The following NTF3 variants were observed in gnomAD, a reference collection of about 807,000 sequenced individuals.
NTF3 encodes the protein neurotrophin 3.
In NTF3, 8 loss-of-function variants were observed where a neutral mutation model predicts 26.3. The ratio of observed to expected loss-of-function variants is 0.30; its 90% CI spans 0.18 to 0.55. NTF3 has a LOEUF of 0.55. Ranked by LOEUF, NTF3 falls within the 20% of genes least tolerant of loss-of-function variation. NTF3 has a pLI of 0.93. For synonymous variants in NTF3, 154 were observed against 145.5 expected (o/e 1.06, Z -0.42); for missense variants, 276 against 352.9 (o/e 0.78, Z 1.75).
At chr12:5,448,127 A>C (rs1465005412) in intron 1 of NTF3, among the ~76,000 whole-genome samples, 1 of 152,224 alleles carries the variant, frequency 6.6e-6, no homozygotes, top group Non-Finnish European at 1.5e-5. Flanking sequence ...CTCCTCTTAC[A>C]TGAGAATGGA....
At chr12:5,490,567 G>C (rs1454517039) in intron 1 of NTF3, among the ~76,000 whole-genome samples, 1 of 152,206 alleles carries the variant, frequency 6.6e-6, no homozygotes, top group Admixed American at 6.5e-5. Flanking sequence ...CCAGGGAACT[G>C]GCCCACTGGG....
chr12:5,448,350 TC>T, intron 1 of NTF3, among the ~76,000 whole-genome samples: 1 of 152,306 alleles, frequency 6.6e-6, no homozygotes, highest in Admixed American at 6.5e-5. Flanking sequence ...AATTTGCTGT[TC>T]CTTTTCATGG....
chr12:5,491,902 G>A (rs1940943101), intron 1 of NTF3, among the ~76,000 whole-genome samples: 1 of 151,186 alleles, frequency 6.6e-6, no homozygotes, highest in Non-Finnish European at 1.5e-5. Context: ...TTTTTTTTTA[G>A]ACGGGGTTTC....
intron 1 of NTF3, among the ~76,000 whole-genome samples, chr12:5,447,731 T>C (rs1940323553): frequency 6.6e-6 from 1 of 152,226 alleles, no homozygotes; most frequent in Non-Finnish European, 1.5e-5. Flanking sequence ...ATTGCTCTGT[T>C]GGGAAGACGG....
At position 5,477,368 on chromosome 12, in the gene NTF3, G is replaced by A. The variant is rs539672278; in HGVS notation, c.19-16826G>A. On this transcript the variant is annotated intron_variant, in intron 1 of 1. Transcript: ENST00000423158. ...ACCCAAAAAGCCCTGAAAACCCAGA[G>A]TCGTTTCTTAAAGTGACAGCAAATT... 4.6e-5 allele frequency among the ~76,000 whole-genome samples: 7 copies of A among 152,330 alleles called. 1 individual carries two copies. Among genetic ancestry groups the A allele is most frequent in the African/African-American group, 1.7e-4 (7 of 41,574 alleles).
At chr12:5,440,863 T>TGCTG (rs1389822482) in intron 1 of NTF3, among the ~76,000 whole-genome samples, 1 of 152,202 alleles carries the variant, frequency 6.6e-6, no homozygotes, top group African/African-American at 2.4e-5. Flanking sequence ...CAGGTAACCC[T>TGCTG]GCTGGCCTAG....
At chr12:5,467,056 C>T (rs1038927160) in intron 1 of NTF3, among the ~76,000 whole-genome samples, 8 of 151,792 alleles carry the variant, frequency 5.3e-5, no homozygotes, top group African/African-American at 1.9e-4. Flanking sequence ...ATGGTGAAAC[C>T]CCGTCTCTAC....
intron 1 of NTF3, among the ~76,000 whole-genome samples, chr12:5,483,394 G>T (rs902961379): frequency 6.6e-6 from 1 of 152,152 alleles, no homozygotes; most frequent in African/African-American, 2.4e-5. Flanking sequence ...TTCCAGCCCC[G>T]AGTAGTTGGT....
intron 1 of NTF3, among the ~76,000 whole-genome samples, chr12:5,485,855 G>C (rs1331602308): frequency 6.6e-6 from 1 of 152,160 alleles, no homozygotes; most frequent in Admixed American, 6.5e-5. Context: ...GGTGAGAAGA[G>C]ACTCAGAAAA....
chr12:5,494,910 T>C lies in NTF3; in HGVS notation c.735T>C (p.Asn245=), dbSNP rs1940989834. The change falls in exon 2 of 2, where the codon AAT becomes AAC. Residue 245 remains asparagine (N), a synonymous_variant. Transcript: ENST00000423158. The surrounding 1 kb of genome is among the most constrained non-coding windows in gnomAD (Gnocchi z 8.3). ...TCCGAGCACTGACTTCAGAGAACAATAAACTCGTGGGCTGGCGGTGGATAC... is the reference window on the plus strand; with the variant it reads ...TCCGAGCACTGACTTCAGAGAACAACAAACTCGTGGGCTGGCGGTGGATAC... ...TYVRALTSEN[N]KLVGWRWIRI... The C allele has an allele frequency of 6.2e-7, 1 of 1,613,908 alleles. No homozygotes were observed. The highest frequency in any genetic ancestry group is 1.1e-5 in the South Asian group (1 of 91,076).
intron 1 of NTF3, among the ~76,000 whole-genome samples, chr12:5,473,728 C>A (rs535483336): frequency 6.6e-6 from 1 of 152,354 alleles, no homozygotes; most frequent in South Asian, 2.1e-4. Flanking sequence ...TACTGAGCTG[C>A]CTTCCTTCTT....
intron 1 of NTF3, among the ~76,000 whole-genome samples, chr12:5,465,175 T>A (rs1288304470): frequency 2.0e-5 from 3 of 152,132 alleles, no homozygotes; most frequent in Non-Finnish European, 4.4e-5. Context: ...AGAAGCATCC[T>A]CCTCCCCAGA....
At chr12:5,477,960 G>A (rs917449069) in intron 1 of NTF3, among the ~76,000 whole-genome samples, 26 of 152,286 alleles carry the variant, frequency 1.7e-4, no homozygotes, top group African/African-American at 5.8e-4. Context: ...TAATGGAGAA[G>A]TAACCCTTAC....
intron 1 of NTF3, among the ~76,000 whole-genome samples, chr12:5,489,439 G>A (rs1264372513): frequency 6.8e-6 from 1 of 146,380 alleles, no homozygotes; most frequent in Non-Finnish European, 1.5e-5. Flanking sequence ...GAGCCAGAAG[G>A]TGCAAATCCT....
At chr12:5,458,862 CAT>C (rs1375315541) in intron 1 of NTF3, among the ~76,000 whole-genome samples, 3 of 152,074 alleles carry the variant, frequency 2.0e-5, no homozygotes, top group Non-Finnish European at 2.9e-5. Flanking sequence ...AGCAAGCACA[CAT>C]ACACACACAC....
At chr12:5,493,446 A>T (rs535706165) in intron 1 of NTF3, among the ~76,000 whole-genome samples, 1 of 152,364 alleles carries the variant, frequency 6.6e-6, no homozygotes, top group Admixed American at 6.5e-5. Context: ...GTTATTCTGC[A>T]TCTCTGTCTT....
At position 5,495,064 on chromosome 12, in the gene NTF3, G is replaced by A. The variant is rs1940992213; in HGVS notation, c.*76G>A. The A allele has an allele frequency of 2.9e-6, 4 of 1,391,158 alleles. No homozygotes were observed. Among genetic ancestry groups the A allele is most frequent in the Admixed American group, 2.1e-5 (1 of 47,346 alleles). The allele number at this position is 1,391,158 out of a possible 1,614,324, so 86.2% of individuals were successfully genotyped here. On this transcript the variant is annotated 3_prime_UTR_variant, in exon 2 of 2. Transcript: ENST00000423158. ...CATGTAGCATATAAATGTTTATATT[G>A]TTTTTATATATTATAAGTTGACCTT...
Position 5,494,398 on chromosome 12 carries a change from A to G in NTF3, c.223A>G (p.Thr75Ala). Residue 75 changes from threonine to alanine, a missense_variant, in exon 2 of 2, where the codon ACC becomes GCC. Around this residue, in one of 3 missense-constraint regions of NTF3, gnomAD observed 221 missense variants for 258.2 expected, o/e 0.86. Coordinates refer to ENST00000423158, the MANE Select transcript of NTF3 (RefSeq NM_001102654.2). This position sits in a 1 kb window ranked among gnomAD's most constrained non-coding sequence, Gnocchi z 8.3. ...GGACGTTAAGGAAAATTACCAGAGC[A>G]CCCTGCCCAAAGCTGAGGCTCCCCG... is the stretch of plus-strand genomic sequence containing the variant. ...MVDVKENYQSTLPKAEAPREP... is the reference protein window; with the variant it reads ...MVDVKENYQSALPKAEAPREP... 1 of 1,612,538 alleles carries G rather than the reference A, an allele frequency of 6.2e-7. No individual in the cohort carries two copies. Among genetic ancestry groups the G allele is most frequent in the African/African-American group, 1.3e-5 (1 of 74,930 alleles).
intron 1 of NTF3, among the ~76,000 whole-genome samples, chr12:5,490,092 T>G (rs1476213565): frequency 6.6e-6 from 1 of 151,998 alleles, no homozygotes; most frequent in Admixed American, 6.6e-5. Flanking sequence ...TTCACTAAGG[T>G]CTTTAACAGG....
Sources: allele counts gnomAD v4.1 joint callset (sites outside exome capture counted in the v4.1 genomes callset), GRCh38; gene constraint gnomAD v4.1.1; regional missense constraint gnomAD v4.1.1; non-coding constraint Gnocchi (gnomAD v3.1); transcripts MANE v1.5; gene names NCBI Gene and HGNC (gene_info 2026-07-23, HGNC 2026-07-21).